RALA: variants seen among roughly 807,000 people sequenced by gnomAD.
The protein encoded by RALA is ras-related protein Ral-A.
Under a neutral mutation model 24.0 loss-of-function variants are expected in RALA, and 5 were observed. That is an observed-to-expected ratio of 0.21 (90% confidence interval 0.11 to 0.44). The LOEUF (loss-of-function observed/expected upper bound fraction) is 0.44, where lower values mean the gene tolerates loss of function less well. Among genes scored for constraint, RALA ranks in the 20% least tolerant of loss-of-function variants. The pLI is 0.99. For synonymous variants in RALA, 77 were observed against 83.8 expected (o/e 0.92, Z 0.44); for missense variants, 95 against 241.2 (o/e 0.39, Z 4.01).
intron 1 of RALA, among the ~76,000 whole-genome samples, chr7:39,672,035 C>G (rs1792400094): frequency 1.3e-5 from 2 of 152,106 alleles, no homozygotes; most frequent in East Asian, 3.9e-4. Flanking sequence ...ATATTCAAAA[C>G]ATAGTAGTTA....
intron 1 of RALA, among the ~76,000 whole-genome samples, chr7:39,674,356 T>G (rs543494761): frequency 2.2e-4 from 34 of 152,340 alleles, no homozygotes; most frequent in African/African-American, 6.7e-4. Flanking sequence ...GAGATACTCA[T>G]ATGATTTTTT....
chr7:39,654,096 T>G (rs1036102825), intron 1 of RALA, among the ~76,000 whole-genome samples: 1 of 152,238 alleles, frequency 6.6e-6, no homozygotes, highest in East Asian at 1.9e-4. Flanking sequence ...CAGGGGGTTC[T>G]ATTTGAACAA....
chr7:39,692,235 A>G (rs1341990319), intron 3 of RALA, among the ~76,000 whole-genome samples: 3 of 152,226 alleles, frequency 2.0e-5, no homozygotes, highest in Admixed American at 2.0e-4. Context: ...TCTGTGATCC[A>G]CAAAATCCAT....
intron 1 of RALA, among the ~76,000 whole-genome samples, chr7:39,639,892 A>C (rs1032890570): frequency 6.6e-6 from 1 of 152,088 alleles, no homozygotes; most frequent in African/African-American, 2.4e-5. Flanking sequence ...CCTCTTATGC[A>C]CATCTTTGCA....
chr7:39,651,770 A>G (rs1224791758), intron 1 of RALA, among the ~76,000 whole-genome samples: 2 of 152,186 alleles, frequency 1.3e-5, no homozygotes, highest in African/African-American at 4.8e-5. Context: ...GTTAATATAT[A>G]AATGCTGTTT....
rs143125070 is a variant in RALA, at chr7:39,682,305, TTGCTGCTGC to T, written c.-37-4311_-37-4303del. 3.3e-5 allele frequency among the ~76,000 whole-genome samples: 5 copies of T among 151,432 alleles called. No individual in the cohort carries two copies. In the East Asian group the frequency reaches 5.8e-4, roughly 18 times the overall value. ...AGTTATACGGGAACTGGTAATACCATTGCTGCTGCTGCTGCTGCTGCTGTACCCCAAGCC... is the reference window on the plus strand; with the variant it reads ...AGTTATACGGGAACTGGTAATACCATTGCTGCTGCTGCTGTACCCCAAGCC... On this transcript the variant is annotated intron_variant, in intron 1 of 4. Coordinates refer to ENST00000005257, the MANE Select transcript of RALA (RefSeq NM_005402.4).
At chr7:39,645,916 G>A (rs1292268391) in intron 1 of RALA, among the ~76,000 whole-genome samples, 1 of 152,152 alleles carries the variant, frequency 6.6e-6, no homozygotes, top group African/African-American at 2.4e-5. Flanking sequence ...GTGTCAGGAG[G>A]TTGTAGGCAG....
chr7:39,623,646 TCTCCTC>T lies in RALA; in HGVS notation c.-197_-192del, dbSNP rs1008992438. On this transcript the variant is annotated 5_prime_UTR_variant, in exon 1 of 5. Transcript: ENST00000005257. This position sits in a 1 kb window ranked among gnomAD's most constrained non-coding sequence, Gnocchi z 4.9. Reference sequence around the variant, plus strand: ...AAAGCGTCGGAGTCCTCCTCCTCCTTCTCCTCCTCCTCCTCCTCCTCCTCCAGCCGC... The same window carrying T: ...AAAGCGTCGGAGTCCTCCTCCTCCTTCTCCTCCTCCTCCTCCTCCAGCCGC... 5.1e-4 allele frequency: 77 copies of T among 152,356 alleles called. No homozygotes were observed. Among genetic ancestry groups the T allele is most frequent in the Middle Eastern group, 3.1e-3 (1 of 318 alleles). The allele number at this position is 152,356 out of a possible 1,614,324, so 9.4% of individuals were successfully genotyped here.
At chr7:39,629,797 G>A (rs1003949543) in intron 1 of RALA, among the ~76,000 whole-genome samples, 1 of 151,880 alleles carries the variant, frequency 6.6e-6, no homozygotes, top group Non-Finnish European at 1.5e-5. Context: ...GGGTTTCACC[G>A]TGTTAGCCAG....
chr7:39,701,319 C>T (rs1441256949), intron 4 of RALA, among the ~76,000 whole-genome samples: 4 of 152,072 alleles, frequency 2.6e-5, no homozygotes, highest in South Asian at 2.1e-4. Flanking sequence ...GAGACCAGCC[C>T]GGGCAACATG....
chr7:39,654,037 A>G (rs1252970272), intron 1 of RALA, among the ~76,000 whole-genome samples: 1 of 152,230 alleles, frequency 6.6e-6, no homozygotes, highest in African/African-American at 2.4e-5. Context: ...GAACAATGAA[A>G]CAAGCCCATT....
At chr7:39,637,096 A>G (rs896342882) in intron 1 of RALA, among the ~76,000 whole-genome samples, 2 of 152,246 alleles carry the variant, frequency 1.3e-5, no homozygotes, top group African/African-American at 2.4e-5. Context: ...TGGTATAGCA[A>G]ATAGAATGTT....
intron 3 of RALA, among the ~76,000 whole-genome samples, chr7:39,693,340 T>C (rs1792863818): frequency 6.6e-6 from 1 of 152,036 alleles, no homozygotes; most frequent in Non-Finnish European, 1.5e-5. Context: ...ACACTGCATA[T>C]TTTCACTCAT....
intron 1 of RALA, among the ~76,000 whole-genome samples, chr7:39,639,560 G>C (rs1180351574): frequency 6.6e-6 from 1 of 152,178 alleles, no homozygotes; most frequent in East Asian, 1.9e-4. Flanking sequence ...GTGAGACCCT[G>C]TTCCTTTAAA....
At chr7:39,665,094 A>G (rs1382094905) in intron 1 of RALA, among the ~76,000 whole-genome samples, 3 of 152,178 alleles carry the variant, frequency 2.0e-5, no homozygotes, top group Non-Finnish European at 4.4e-5. Flanking sequence ...AAAAAGTCTA[A>G]TTACAATGCA....
At chr7:39,655,732 C>T (rs913265904) in intron 1 of RALA, among the ~76,000 whole-genome samples, 2 of 152,052 alleles carry the variant, frequency 1.3e-5, no homozygotes, top group East Asian at 3.8e-4. Context: ...TCATGCCAGT[C>T]CCTACAGAGT....
intron 1 of RALA, among the ~76,000 whole-genome samples, chr7:39,682,412 C>G (rs1792620812): frequency 6.6e-6 from 1 of 152,110 alleles, no homozygotes; most frequent in Non-Finnish European, 1.5e-5. Flanking sequence ...ACTGTCCATT[C>G]TCTACACACC....
rs1793147468 is a variant in RALA at position 39,707,909 on chromosome 7, A to G, written c.*1664A>G. On this transcript the variant is annotated 3_prime_UTR_variant, in exon 5 of 5. Coordinates refer to ENST00000005257, the MANE Select transcript of RALA (RefSeq NM_005402.4). ...GTAACACTGGCCAGCGGGCCCAGCAATCTCCATGTGTACTTATTACAGTCT... is the reference window on the plus strand; with the variant it reads ...GTAACACTGGCCAGCGGGCCCAGCAGTCTCCATGTGTACTTATTACAGTCT... 6.6e-6 allele frequency: 1 copy of G among 152,582 alleles called. No homozygotes were observed. Among genetic ancestry groups the G allele is most frequent in the Non-Finnish European group, 1.5e-5 (1 of 68,026 alleles). The allele number at this position is 152,582 out of a possible 1,614,324, so 9.5% of individuals were successfully genotyped here. A position where few individuals can be genotyped will look rare whatever the true frequency, so the allele number is the denominator to read the frequency against.
At chr7:39,660,864 AAG>A (rs1792174604) in intron 1 of RALA, among the ~76,000 whole-genome samples, 1 of 152,244 alleles carries the variant, frequency 6.6e-6, no homozygotes, top group South Asian at 2.1e-4. Context: ...ATCTTATAAA[AAG>A]TTAAAATTTA....
Sources: gnomAD v4.1 joint callset for allele counts (sites outside exome capture counted in the v4.1 genomes callset) on GRCh38, gnomAD v4.1.1 for gene constraint, Gnocchi (gnomAD v3.1) non-coding constraint, MANE v1.5 for transcripts, NCBI Gene and HGNC (gene_info 2026-07-23, HGNC 2026-07-21) for gene names.